SACS: variants seen among roughly 807,000 people sequenced by gnomAD.
SACS encodes the protein sacsin.
A neutral mutation model predicts 348.0 loss-of-function variants in SACS; 197 were observed. The observed-to-expected ratio is 0.57, with a 90% confidence interval of 0.50 to 0.64. SACS has a LOEUF of 0.64. SACS is among the 30% of genes least tolerant of loss of function. The probability of loss-of-function intolerance (pLI) is 0.00; values close to 1 mark genes in which losing one functional copy is unlikely to be tolerated. For missense variants in SACS, 4,999 were observed against 5,360.8 expected (o/e 0.93, Z 2.11); for synonymous variants, 1,985 against 1,910.6 (o/e 1.04, Z -1.02).
At chr13:23,399,523 T>C in intron 2 of SACS, among the ~76,000 whole-genome samples, 1 of 152,118 alleles carries the variant, frequency 6.6e-6, no homozygotes, top group Non-Finnish European at 1.5e-5. Context: ...TCCCACCTAA[T>C]TAGCCATATT....
In SACS at chr13:23,337,180, G is replaced by T; in HGVS notation, c.6696C>A (p.Asn2232Lys). ...PAGFSLDWKG[N>K]SFKPETMFAA... ...CAAACATGGTTTCAGGCTTAAAACT[G>T]TTGCCTTTCCAGTCCAAAGAAAAAC... The change falls in exon 10 of 10, where the codon AAC becomes AAA. Residue 2232 changes from asparagine to lysine, a missense_variant. This residue lies in a region of SACS where 3,156 missense variants were observed against 3,380.1 expected (regional missense o/e 0.93). Transcript: ENST00000382292. 2 of 1,613,956 alleles carry T rather than the reference G, an allele frequency of 1.2e-6. No individual in the cohort carries two copies. Among genetic ancestry groups the T allele is most frequent in the East Asian group, 4.5e-5 (2 of 44,874 alleles).
At chr13:23,418,420 A>G (rs79874131) in intron 1 of SACS, among the ~76,000 whole-genome samples, 1,678 of 152,332 alleles carry the variant, frequency 0.011, 34 homozygotes, top group African/African-American at 0.039. Flanking sequence ...TTAACATTAT[A>G]CAAGATTTTT....
At chr13:23,353,728 T>TA (rs753963725) in intron 9 of SACS, 57 bp downstream of exon 9, 376 of 1,019,120 alleles carry the variant, frequency 3.7e-4, no homozygotes, top group Admixed American at 1.1e-3. Flanking sequence ...AGAAAACTTT[T>TA]AAAAAACTTG....
At chr13:23,387,463 GAAA>G (rs60355580) in intron 2 of SACS, among the ~76,000 whole-genome samples, 3 of 91,368 alleles carry the variant, frequency 3.3e-5, no homozygotes, top group Admixed American at 1.3e-4. Flanking sequence ...CTCCGTCTCA[GAAA>G]AAAAAAAAAA....
Position 23,330,753 on chromosome 13 carries a change from C to T in SACS, c.13123G>A (p.Ala4375Thr). Residue 4375 changes from alanine to threonine, a missense_variant, in exon 10 of 10, where the codon GCC becomes ACC. By Grantham distance (58) the Ala-to-Thr change is moderately conservative. Transcript: ENST00000382292. ...QAFLDQNADRASRRTFSTSAS... is the reference protein window; with the variant it reads ...QAFLDQNADRTSRRTFSTSAS... ...GAGGTTGAAAATGTTCGTCTGGAGG[C>T]CCTGTCTGCATTTTGATCTAGAAAA... 6.2e-7 allele frequency: 1 copy of T among 1,613,794 alleles called. No individual in the cohort carries two copies. Among genetic ancestry groups the T allele is most frequent in the Non-Finnish European group, 8.5e-7 (1 of 1,179,884 alleles).
Position 23,425,121 on chromosome 13 carries a change from C to T in SACS, c.-502+8494G>A, listed in dbSNP as rs559613948. Among the ~76,000 whole-genome samples, 17 of 151,368 alleles carry T rather than the reference C, an allele frequency of 1.1e-4. No individual in the cohort carries two copies. The South Asian group carries it at 2.3e-3, about 21-fold the overall frequency. On this transcript the variant is annotated intron_variant, in intron 1 of 9. Coordinates refer to ENST00000382292, the MANE Select transcript of SACS (RefSeq NM_014363.6). ...ACACTGGTGTCCACTTGGGGCCTGA[C>T]GTCCACCTCGAGCTGGATGGTCCTC...
chr13:23,348,036 C>T (rs527908897), intron 9 of SACS, among the ~76,000 whole-genome samples: 49 of 152,188 alleles, frequency 3.2e-4, no homozygotes, highest in Admixed American at 2.9e-3. Flanking sequence ...TAAGACCCGA[C>T]ACCAAGCATC....
In SACS at chr13:23,335,911, T is replaced by C. The variant is rs758869206; in HGVS notation, c.7965A>G (p.Ala2655=). 14 of 1,612,830 alleles carry C rather than the reference T, an allele frequency of 8.7e-6. No homozygotes were observed. Among genetic ancestry groups the C allele is most frequent in the Non-Finnish European group, 1.2e-5 (14 of 1,179,056 alleles). The change falls in exon 10 of 10, where the codon GCA becomes GCG. Residue 2655 remains alanine, a synonymous_variant. Transcript: ENST00000382292. The surrounding 1 kb of genome is among the most constrained non-coding windows in gnomAD (Gnocchi z 4.7). The part of the protein sequence containing the change: ...LCIFDPHARY[A]PGATSISPGR... ...CGGGACTAATGGATGTGGCCCCTGG[T>C]GCATATCTGGCATGAGGATCAAAAA... is the stretch of plus-strand genomic sequence containing the variant.
At position 23,331,928 on chromosome 13, in the gene SACS, T is replaced by C; in HGVS notation, c.11948A>G (p.Asp3983Gly). 4 of 1,614,068 alleles carry C rather than the reference T, an allele frequency of 2.5e-6. No homozygotes were observed. The highest frequency in any genetic ancestry group is 3.4e-6 in the Non-Finnish European group (4 of 1,179,938). The change falls in exon 10 of 10, where the codon GAT becomes GGT. Residue 3983 changes from aspartate to glycine, a missense_variant. Physicochemically the swap from Asp to Gly is moderately conservative, Grantham distance 94 (BLOSUM62 -1). Coordinates refer to ENST00000382292, the MANE Select transcript of SACS (RefSeq NM_014363.6). ...LLSSILEEQL[D>G]EETPKVCQFG... The stretch of plus-strand genomic sequence containing the variant: ...CTGACAAACTTTGGGAGTCTCTTCA[T>C]CTAATTGTTCTTCAAGTATACTGCT...
rs1449800303 is a variant in SACS, at chr13:23,336,167, T to C, written c.7709A>G (p.His2570Arg). The C allele has an allele frequency of 6.2e-7, 1 of 1,613,930 alleles. No individual in the cohort carries two copies. Among genetic ancestry groups the C allele is most frequent in the Non-Finnish European group, 8.5e-7 (1 of 1,179,826 alleles). Residue 2570 changes from histidine (H) to arginine (R), a missense_variant, in exon 10 of 10, where the codon CAT becomes CGT. Physicochemically the swap from His to Arg is conservative, Grantham distance 29. Transcript: ENST00000382292. ...EICFVFDPRQHPVDRIFDDKW... is the reference protein window; with the variant it reads ...EICFVFDPRQRPVDRIFDDKW... ...ATCATCAAATATTCTATCAACTGGATGCTGTCTAGGATCAAACACAAAACA... is the reference window on the plus strand; with the variant it reads ...ATCATCAAATATTCTATCAACTGGACGCTGTCTAGGATCAAACACAAAACA...
In SACS at chr13:23,332,612, A is replaced by G. The variant is rs781590547; in HGVS notation, c.11264T>C (p.Ile3755Thr). Residue 3755 changes from isoleucine to threonine, a missense_variant, in exon 10 of 10, where the codon ATA becomes ACA. Transcript: ENST00000382292. ...TTCATCCAACGTCGTTATGTTGCAT[A>G]TGTTTCTGCAGTTATTGATTACCTT... ...LDKVINNCRNICNITTLDEEM... is the reference protein window; with the variant it reads ...LDKVINNCRNTCNITTLDEEM... 5.6e-6 allele frequency: 9 copies of G among 1,613,630 alleles called. No homozygotes were observed. The Admixed American group carries it at 1.3e-4, about 24-fold the overall frequency.
chr13:23,368,448 A>T lies in SACS; in HGVS notation c.299T>A (p.Leu100His). 1.2e-6 allele frequency: 2 copies of T among 1,613,306 alleles called. No individual in the cohort carries two copies. The highest frequency in any genetic ancestry group is 1.7e-6 in the Non-Finnish European group (2 of 1,179,630). ...GQTTPPLVDF[L>H]KDILRRYPEG... ...TGGATATCTTCTCAAAATGTCCTTG[A>T]GAAAATCAACAAGTGGTGGCGTTGT... The change falls in exon 5 of 10, where the codon CTC becomes CAC. Residue 100 changes from leucine to histidine, a missense_variant. Coordinates refer to ENST00000382292, the MANE Select transcript of SACS (RefSeq NM_014363.6).
chr13:23,365,056 A>T, intron 6 of SACS, 110 bp downstream of exon 6: 1 of 741,224 alleles, frequency 1.3e-6, no homozygotes, highest in Non-Finnish European at 2.3e-6. Flanking sequence ...GGACATAAAC[A>T]TGCCAAAAAG....
In SACS at chr13:23,333,529, T is replaced by C; in HGVS notation, c.10347A>G (p.Ser3449=). The change falls in exon 10 of 10, where the codon TCA becomes TCG. Residue 3449 remains serine (S), a synonymous_variant. Coordinates refer to ENST00000382292, the MANE Select transcript of SACS (RefSeq NM_014363.6). The stretch of plus-strand genomic sequence containing the variant: ...GTATTTTTTCTTCAAGAAATGCAGA[T>C]GATGATGACTGTGTCCATTTCTCCA... The part of the protein sequence containing the change: ...AEVEKWTQSS[S]SAFLEEKIHL... 6.2e-7 allele frequency: 1 copy of C among 1,613,590 alleles called. No homozygotes were observed. The highest frequency in any genetic ancestry group is 8.5e-7 in the Non-Finnish European group (1 of 1,179,628).
chr13:23,329,827 C>CAT lies in SACS; in HGVS notation c.*307_*308dup. On this transcript the variant is annotated 3_prime_UTR_variant, in exon 10 of 10. Coordinates refer to ENST00000382292, the MANE Select transcript of SACS (RefSeq NM_014363.6). ...TAACTTCATCCTAACCAGAGACATACATAGACTCTTATCTAACAAACTGCT... is the reference window on the plus strand; with the variant it reads ...TAACTTCATCCTAACCAGAGACATACATATAGACTCTTATCTAACAAACTGCT... 4.1e-6 allele frequency: 2 copies of CAT among 492,482 alleles called. No individual in the cohort carries two copies. The highest frequency in any genetic ancestry group is 4.8e-5 in the South Asian group (2 of 41,976). The allele number at this position is 492,482 out of a possible 1,614,324, so 30.5% of individuals were successfully genotyped here.
chr13:23,393,368 T>C (rs1227203731), intron 2 of SACS, among the ~76,000 whole-genome samples: 3 of 152,216 alleles, frequency 2.0e-5, no homozygotes, highest in African/African-American at 7.2e-5. Context: ...CTAATCCACT[T>C]GTTCCTTCTT....
intron 6 of SACS, among the ~76,000 whole-genome samples, chr13:23,363,471 C>T (rs561405300): frequency 6.6e-6 from 1 of 151,670 alleles, no homozygotes; most frequent in East Asian, 2.0e-4. Context: ...AGGTGATCTG[C>T]CCACTTGGCC....
chr13:23,330,828 C>A lies in SACS; in HGVS notation c.13048G>T (p.Glu4350Ter). The A allele has an allele frequency of 2.5e-6, 4 of 1,614,146 alleles. No individual in the cohort carries two copies. Among genetic ancestry groups the A allele is most frequent in the Non-Finnish European group, 3.4e-6 (4 of 1,180,020 alleles). ...TCATTCTGCAAATGTTTAAAAACTT[C>A]ATTGGCAATGTCATGGTTCTCTGGA... is the stretch of plus-strand genomic sequence containing the variant. ...KNPENHDIAN[E>*]VFKHLQNEIN... is the part of the protein sequence containing the mutation. The change falls in exon 10 of 10, where the codon GAA becomes TAA. Residue 4350 changes from glutamate (E) to a stop codon, truncating the protein, a stop_gained. Transcript: ENST00000382292. LOFTEE classifies it high-confidence loss of function.
intron 1 of SACS, among the ~76,000 whole-genome samples, chr13:23,418,598 T>C (rs1873780901): frequency 6.6e-6 from 1 of 152,124 alleles, no homozygotes; most frequent in African/African-American, 2.4e-5. Flanking sequence ...TTCCGCCTCC[T>C]GGGTTCTAGT....
Sources: gnomAD v4.1 joint callset for allele counts (sites outside exome capture counted in the v4.1 genomes callset) on GRCh38, gnomAD v4.1.1 for gene constraint, gnomAD v4.1.1 regional missense constraint, Gnocchi (gnomAD v3.1) non-coding constraint, MANE v1.5 for transcripts, NCBI Gene and HGNC (gene_info 2026-07-23, HGNC 2026-07-21) for gene names.